The following PNKD variants were observed in gnomAD, a reference collection of about 807,000 sequenced individuals.
PNKD encodes the protein PNKD metallo-beta-lactamase domain containing.
In PNKD, 36 loss-of-function variants were observed where a neutral mutation model predicts 45.3. That is an observed-to-expected ratio of 0.80 (90% CI 0.61 to 1.05). The LOEUF (loss-of-function observed/expected upper bound fraction) is 1.05. Ranked by LOEUF, PNKD falls within the 50% of genes least tolerant of loss-of-function variation. The probability of loss-of-function intolerance (pLI) is 0.00; values close to 1 mark genes in which losing one functional copy is unlikely to be tolerated. For synonymous variants in PNKD, 197 were observed against 210.1 expected, an observed-to-expected ratio of 0.94 and a Z score of 0.54; for missense variants, 511 against 506.6, an observed-to-expected ratio of 1.01 and a Z score of -0.08.
chr2:218,303,357 C>T (rs1287354885), intron 2 of PNKD, among the ~76,000 whole-genome samples: 1 of 151,984 alleles, frequency 6.6e-6, no homozygotes, highest in Non-Finnish European at 1.5e-5. Flanking sequence ...CAAAGGAAGC[C>T]ATTGAGTGAT....
intron 2 of PNKD, among the ~76,000 whole-genome samples, chr2:218,335,366 A>G (rs986075821): frequency 4.6e-5 from 7 of 152,026 alleles, no homozygotes; most frequent in Non-Finnish European, 1.0e-4. Flanking sequence ...CTGTAATCCC[A>G]GCTACTTGGG....
chr2:218,335,079 C>T (rs1302483712), intron 2 of PNKD, among the ~76,000 whole-genome samples: 22 of 151,942 alleles, frequency 1.4e-4, no homozygotes, highest in Admixed American at 1.4e-3. Flanking sequence ...TGAACCCCAG[C>T]GTTTCAGGCT....
chr2:218,322,646 C>G (rs1280087338), intron 2 of PNKD, among the ~76,000 whole-genome samples: 2 of 152,166 alleles, frequency 1.3e-5, no homozygotes, highest in African/African-American at 2.4e-5. Context: ...TCCTTGACTT[C>G]CTTTCGCAAT....
chr2:218,283,365 A>C (rs1454365807), intron 2 of PNKD, among the ~76,000 whole-genome samples: 1 of 152,200 alleles, frequency 6.6e-6, no homozygotes, highest in East Asian at 1.9e-4. Flanking sequence ...CCTTCATGTT[A>C]TGCGGTGCTC....
At chr2:218,275,189 A>T (rs1691070501) in intron 2 of PNKD, 1 of 300,768 alleles carries the variant, frequency 3.3e-6, no homozygotes, top group Non-Finnish European at 6.1e-6. Flanking sequence ...CCCAGCTGTT[A>T]GGAAGAATGT....
chr2:218,338,200 CCT>C (rs1483240803), intron 2 of PNKD, among the ~76,000 whole-genome samples: 3 of 152,022 alleles, frequency 2.0e-5, no homozygotes, highest in Non-Finnish European at 4.4e-5. Flanking sequence ...GTGGCTCACA[CCT>C]GTAATCCCAG....
Position 218,345,313 on chromosome 2 carries a change from G to A in PNKD, c.*332G>A. 1 of 284,428 alleles carries A rather than the reference G, an allele frequency of 3.5e-6. No individual in the cohort carries two copies. The highest frequency in any genetic ancestry group is 6.7e-6 in the Non-Finnish European group (1 of 150,008). 17.6% of individuals were successfully genotyped at this position (284,428 alleles called of 1,614,324 possible). On this transcript the variant is annotated 3_prime_UTR_variant, in exon 10 of 10. Coordinates refer to ENST00000273077, the MANE Select transcript of PNKD (RefSeq NM_015488.5). ...CTGGGACGGCAGCAAGGACATGGGGGCTGCTGTTAGCTTCTCCGTCAGGAG... is the reference window on the plus strand; with the variant it reads ...CTGGGACGGCAGCAAGGACATGGGGACTGCTGTTAGCTTCTCCGTCAGGAG...
chr2:218,275,141 C>G (rs1474644445), intron 2 of PNKD: 5 of 196,404 alleles, frequency 2.5e-5, no homozygotes, highest in Non-Finnish European at 5.1e-5. Flanking sequence ...ATATTCCCTT[C>G]TAGCTATCGA....
chr2:218,329,571 C>T (rs1694259927), intron 2 of PNKD, among the ~76,000 whole-genome samples: 2 of 152,174 alleles, frequency 1.3e-5, no homozygotes, highest in Non-Finnish European at 1.5e-5. Context: ...GACAGATGGG[C>T]GTCCTCTGGA....
intron 2 of PNKD, among the ~76,000 whole-genome samples, chr2:218,309,829 G>A (rs1260037601): frequency 2.0e-5 from 3 of 151,922 alleles, no homozygotes; most frequent in Non-Finnish European, 2.9e-5. Context: ...CAGCTACTCA[G>A]GAGGCTGGGG....
Position 218,271,527 on chromosome 2 carries a change from A to C in PNKD, c.214A>C (p.Met72Leu). The C allele has an allele frequency of 6.2e-7, 1 of 1,614,176 alleles. No individual in the cohort carries two copies. The highest frequency in any genetic ancestry group is 8.5e-7 in the Non-Finnish European group (1 of 1,180,028). Residue 72 changes from methionine to leucine, a missense_variant, in exon 2 of 10, where the codon ATG becomes CTG. Transcript: ENST00000273077. ...YIPRKRGKNP[M>L]KAVGLAWYSL... The stretch of plus-strand genomic sequence containing the variant: ...TCCCAGAAAGAGGGGCAAGAACCCC[A>C]TGAAAGCTGTGGGACTGGCCTGGTG...
At chr2:218,292,419 C>T (rs1271959546) in intron 2 of PNKD, 2 of 152,334 alleles carry the variant, frequency 1.3e-5, no homozygotes, top group East Asian at 3.9e-4. Flanking sequence ...GACCAGTCCC[C>T]ACCGCCCACA....
intron 2 of PNKD, among the ~76,000 whole-genome samples, chr2:218,308,304 A>G (rs1256803683): frequency 3.3e-5 from 5 of 149,384 alleles, no homozygotes; most frequent in Admixed American, 6.8e-5. Context: ...TTCCTGCCTC[A>G]GCCTCCTGAG....
chr2:218,342,583 C>T (rs1331893816), intron 7 of PNKD, among the ~76,000 whole-genome samples: 1 of 150,494 alleles, frequency 6.6e-6, no homozygotes, highest in Non-Finnish European at 1.5e-5. Flanking sequence ...GCCTGTAATC[C>T]CAGCTACTAG....
chr2:218,275,967 C>T (rs1003172831), intron 2 of PNKD: 1 of 1,564,782 alleles, frequency 6.4e-7, no homozygotes, highest in Non-Finnish European at 8.7e-7. Flanking sequence ...ATGCCCCCTT[C>T]CCTAGATTCC....
rs1271137623 is a variant in PNKD, at chr2:218,339,796, A to G, written c.250A>G (p.Thr84Ala). The G allele has an allele frequency of 1.2e-6, 2 of 1,612,190 alleles. No individual in the cohort carries two copies. Among genetic ancestry groups the G allele is most frequent in the Non-Finnish European group, 1.7e-6 (2 of 1,178,622 alleles). The change falls in exon 3 of 10, where the codon ACC (threonine) becomes GCC (alanine). Residue 84 changes from threonine to alanine, a missense_variant. By Grantham distance (58) the Thr-to-Ala change is moderately conservative (BLOSUM62 0). Transcript: ENST00000273077. The stretch of plus-strand genomic sequence containing the variant: ...CTCGCCCTCTAGGTACAGCCTGTAC[A>G]CCCGCACCTGGCTCGGGTACCTCTT... The part of the protein sequence containing the change: ...AVGLAWYSLY[T>A]RTWLGYLFYR...
At chr2:218,303,557 A>G (rs1693328414) in intron 2 of PNKD, among the ~76,000 whole-genome samples, 2 of 145,676 alleles carry the variant, frequency 1.4e-5, no homozygotes, top group South Asian at 4.4e-4. Context: ...CACGACCCCC[A>G]TCCCAGACCT....
rs1353463061 is a variant in PNKD at position 218,340,067 on chromosome 2, T to C, written c.391T>C (p.Tyr131His). The C allele has an allele frequency of 1.2e-6, 2 of 1,613,694 alleles. No individual in the cohort carries two copies. The highest frequency in any genetic ancestry group is 2.7e-5 in the African/African-American group (2 of 74,900). ...TCCCATCCCTGTCCTCTCGGACAAC[T>C]ACAGCTACCTCATCATCGACACCCA... is the stretch of plus-strand genomic sequence containing the variant. ...VLPIPVLSDN[Y>H]SYLIIDTQAQ... The change falls in exon 4 of 10, where the codon TAC (tyrosine) becomes CAC (histidine). Residue 131 changes from tyrosine to histidine, a missense_variant. Coordinates refer to ENST00000273077, the MANE Select transcript of PNKD (RefSeq NM_015488.5). The surrounding 1 kb of genome is among the most constrained non-coding windows in gnomAD (Gnocchi z 4.2).
intron 2 of PNKD, among the ~76,000 whole-genome samples, chr2:218,273,507 T>G (rs574058138): frequency 9.6e-5 from 14 of 145,650 alleles, no homozygotes; most frequent in Non-Finnish European, 2.1e-4. Flanking sequence ...TGAGACAGAG[T>G]TTCACTCTTG....
Sources: allele counts gnomAD v4.1 joint callset (sites outside exome capture counted in the v4.1 genomes callset), GRCh38; gene constraint gnomAD v4.1.1; non-coding constraint Gnocchi (gnomAD v3.1); transcripts MANE v1.5; gene names NCBI Gene and HGNC (gene_info 2026-07-23, HGNC 2026-07-21).